The following ARSK variants were observed in gnomAD, a reference collection of about 807,000 sequenced individuals.
The protein encoded by ARSK is arylsulfatase family member K, also known as arylsulfatase K.
ARSK carries 37 observed loss-of-function variants against 53.2 expected under a neutral mutation model. The observed-to-expected ratio is 0.70, with a 90% CI of 0.54 to 0.92. The LOEUF (loss-of-function observed/expected upper bound fraction) is 0.92. ARSK is among the 40% of genes least tolerant of loss of function. The pLI is 0.00. For missense variants in ARSK, 613 were observed against 643.0 expected, an observed-to-expected ratio of 0.95 and a Z score of 0.51; for synonymous variants, 208 against 223.2, an observed-to-expected ratio of 0.93 and a Z score of 0.61.
At chr5:95,582,400 A>C (rs1278044079) in intron 3 of ARSK, among the ~76,000 whole-genome samples, 1 of 152,126 alleles carries the variant, frequency 6.6e-6, no homozygotes, top group Admixed American at 6.6e-5. Context: ...GATAGCTCAG[A>C]TTATAGTTAA....
chr5:95,565,943 A>T (rs1748718007), intron 1 of ARSK, 55 bp from the exon 2 acceptor site: 2 of 1,488,386 alleles, frequency 1.3e-6, no homozygotes, highest in Non-Finnish European at 1.8e-6. Context: ...GTTAAAGAAA[A>T]TAATTTTCTT....
At chr5:95,560,500 C>T (rs1748610316) in intron 1 of ARSK, among the ~76,000 whole-genome samples, 1 of 152,018 alleles carries the variant, frequency 6.6e-6, no homozygotes, top group Non-Finnish European at 1.5e-5. Flanking sequence ...AGGTGACATA[C>T]AGATCAATGG....
At chr5:95,573,120 C>T (rs143230541) in intron 3 of ARSK, among the ~76,000 whole-genome samples, 186 of 152,218 alleles carry the variant, frequency 1.2e-3, no homozygotes, top group African/African-American at 4.0e-3. Flanking sequence ...ATTTTATGCT[C>T]GTCAGCCTGG....
At chr5:95,585,472 A>G (rs1291523173) in intron 4 of ARSK, among the ~76,000 whole-genome samples, 1 of 152,236 alleles carries the variant, frequency 6.6e-6, no homozygotes, top group Non-Finnish European at 1.5e-5. Flanking sequence ...ATATACCATG[A>G]AATACTACTC....
chr5:95,586,737 G>A lies in ARSK; in HGVS notation c.871+4G>A, dbSNP rs199789005. Reference sequence around the variant, plus strand: ...GCTGAGACAGATGCCATGCTTGGTAGGTGGTATAATTAATAAGCAATTACA... The same window carrying A: ...GCTGAGACAGATGCCATGCTTGGTAAGTGGTATAATTAATAAGCAATTACA... On this transcript the variant is annotated splice_donor_region_variant and intron_variant, in intron 5 of 7. Transcript: ENST00000380009. The A allele has an allele frequency of 3.2e-5, 51 of 1,574,708 alleles. No homozygotes were observed. The African/African-American group carries it at 5.8e-4, about 18-fold the overall frequency.
chr5:95,571,177 C>T (rs1217732939), intron 3 of ARSK, among the ~76,000 whole-genome samples: 1 of 152,186 alleles, frequency 6.6e-6, no homozygotes, highest in East Asian at 1.9e-4. Flanking sequence ...AGAATGTAAG[C>T]TTAATCTAAA....
At position 95,583,161 on chromosome 5, in the gene ARSK, C is replaced by T. The variant is rs769137768; in HGVS notation, c.662C>T (p.Ser221Phe). The change falls in exon 4 of 8, where the codon TCT (serine) becomes TTT (phenylalanine). Residue 221 changes from serine to phenylalanine, a missense_variant. Coordinates refer to ENST00000380009, the MANE Select transcript of ARSK (RefSeq NM_198150.3). ...CCATCTTCTGGAGAAAATTTTGGAT[C>T]TTCAACATTTCACACATCTCTTTAT... Reference protein sequence around the residue: ...PSPSSGENFGSSTFHTSLYWL... With the variant: ...PSPSSGENFGFSTFHTSLYWL... The T allele has an allele frequency of 2.3e-5, 37 of 1,593,518 alleles. No individual in the cohort carries two copies. Among genetic ancestry groups the T allele is most frequent in the Non-Finnish European group, 3.2e-5 (37 of 1,166,812 alleles).
chr5:95,603,574 C>A lies in ARSK; in HGVS notation c.*48C>A. 1 of 1,409,562 alleles carries A rather than the reference C, an allele frequency of 7.1e-7. No homozygotes were observed. The allele number at this position is 1,409,562 out of a possible 1,614,324, so 87.3% of individuals were successfully genotyped here. A position where few individuals can be genotyped will look rare whatever the true frequency, so the allele number is the denominator to read the frequency against. ...TCTAGAGATACATATAAATATATTA[C>A]AAGATCATAATTATGTATTTTAAAT... On this transcript the variant is annotated 3_prime_UTR_variant, in exon 8 of 8. Transcript: ENST00000380009.
chr5:95,604,117 A>T lies in ARSK; in HGVS notation c.*591A>T, dbSNP rs1749460804. The T allele has an allele frequency of 6.6e-6, 1 of 152,198 alleles. No individual in the cohort carries two copies. The allele number at this position is 152,198 out of a possible 1,614,324, so 9.4% of individuals were successfully genotyped here. ...ACAGTTATGTTCCTTTAAATAATAGAGAATATAAAATATTGTAATAATATG... is the reference window on the plus strand; with the variant it reads ...ACAGTTATGTTCCTTTAAATAATAGTGAATATAAAATATTGTAATAATATG... On this transcript the variant is annotated 3_prime_UTR_variant, in exon 8 of 8. Coordinates refer to ENST00000380009, the MANE Select transcript of ARSK (RefSeq NM_198150.3).
chr5:95,556,336 A>G (rs1477418377), intron 1 of ARSK: 2 of 678,586 alleles, frequency 2.9e-6, no homozygotes, highest in Admixed American at 2.1e-5. Context: ...ATGGCATTTT[A>G]TTACAGAGTG....
At position 95,572,825 on chromosome 5, in the gene ARSK, G is replaced by A. The variant is rs146575449; in HGVS notation, c.416+4776G>A. On this transcript the variant is annotated intron_variant, in intron 3 of 7. Transcript: ENST00000380009. ...ATTTGCCTTCAGGTAAAATTTTGTT[G>A]CCTATCTATTCCTAAAGTAGTGGTT... Among the ~76,000 whole-genome samples the A allele has an allele frequency of 3.5e-3, 538 of 152,196 alleles. 3 individuals carry two copies. The Middle Eastern group carries it at 0.041, about 12-fold the overall frequency.
intron 6 of ARSK, among the ~76,000 whole-genome samples, chr5:95,595,885 A>C (rs1464789195): frequency 1.3e-5 from 2 of 152,204 alleles, no homozygotes; most frequent in African/African-American, 2.4e-5. Context: ...AATTGCCCCC[A>C]TGTATTAAAA....
At chr5:95,594,868 G>GTCCTTC (rs1749279241) in intron 6 of ARSK, among the ~76,000 whole-genome samples, 1 of 151,582 alleles carries the variant, frequency 6.6e-6, no homozygotes, top group Non-Finnish European at 1.5e-5. Context: ...GAAAGAAATA[G>GTCCTTC]TCCTTCTCAT....
At chr5:95,580,769 A>T in intron 3 of ARSK, 1 of 345,480 alleles carries the variant, frequency 2.9e-6, no homozygotes, top group Non-Finnish European at 5.0e-6. Context: ...TTTTTTGAAT[A>T]CATTAAACAG....
At chr5:95,560,577 C>G (rs1748612180) in intron 1 of ARSK, among the ~76,000 whole-genome samples, 1 of 151,350 alleles carries the variant, frequency 6.6e-6, no homozygotes, top group African/African-American at 2.4e-5. Flanking sequence ...ACAAGGGTGC[C>G]AAGACCATTT....
chr5:95,561,232 A>G (rs1449886761), intron 1 of ARSK, among the ~76,000 whole-genome samples: 1 of 152,254 alleles, frequency 6.6e-6, no homozygotes, highest in African/African-American at 2.4e-5. Context: ...GACACCAGTT[A>G]TACCCACTGG....
Position 95,563,857 on chromosome 5 carries a change from C to T in ARSK, c.127-2141C>T, listed in dbSNP as rs114719736. On this transcript the variant is annotated intron_variant, in intron 1 of 7. Coordinates refer to ENST00000380009, the MANE Select transcript of ARSK (RefSeq NM_198150.3). ...GCAGTGGCCACAAATTGTTATCTCC[C>T]CATGTTCAAAAGATTGTAACCATAA... Among the ~76,000 whole-genome samples, 692 of 152,228 alleles carry T rather than the reference C, an allele frequency of 4.5e-3. 4 individuals carry two copies. The highest frequency in any genetic ancestry group is 7.3e-3 in the Non-Finnish European group (498 of 67,998).
chr5:95,590,081 C>T (rs1162232807), intron 5 of ARSK, among the ~76,000 whole-genome samples: 1 of 152,128 alleles, frequency 6.6e-6, no homozygotes, highest in African/African-American at 2.4e-5. Context: ...GTTGTGACTA[C>T]AGTAATATGC....
Position 95,555,572 on chromosome 5 carries a change from G to A in ARSK, c.126+168G>A, listed in dbSNP as rs1280461379. Among the ~76,000 whole-genome samples, 3 of 152,128 alleles carry A rather than the reference G, an allele frequency of 2.0e-5. No individual in the cohort carries two copies. The East Asian group carries it at 5.8e-4, about 29-fold the overall frequency. ...TATGTGAGGCCCCGTGTACTCACAC[G>A]TACACCACATACCTATGCAAACATG... On this transcript the variant is annotated intron_variant, in intron 1 of 7. Coordinates refer to ENST00000380009, the MANE Select transcript of ARSK (RefSeq NM_198150.3). This position sits in a 1 kb window ranked among gnomAD's most constrained non-coding sequence, Gnocchi z 4.0.
Sources: allele counts gnomAD v4.1 joint callset (sites outside exome capture counted in the v4.1 genomes callset), GRCh38; gene constraint gnomAD v4.1.1; non-coding constraint Gnocchi (gnomAD v3.1); transcripts MANE v1.5; gene names NCBI Gene and HGNC (gene_info 2026-07-23, HGNC 2026-07-21).